Variants in ZC2HC1A observed in about 807,000 individuals in gnomAD.
The protein encoded by ZC2HC1A is zinc finger C2HC domain-containing protein 1A.
In ZC2HC1A, 28 loss-of-function variants were observed where a neutral mutation model predicts 40.7. The observed-to-expected ratio is 0.69, with a 90% CI of 0.51 to 0.94. ZC2HC1A has a LOEUF of 0.94. Ranked by LOEUF, ZC2HC1A falls within the 40% of genes least tolerant of loss-of-function variation. ZC2HC1A has a pLI of 0.00. For synonymous variants in ZC2HC1A, 129 were observed against 129.2 expected, an observed-to-expected ratio of 1.00 and a Z score of 0.01; for missense variants, 389 against 386.3, an observed-to-expected ratio of 1.01 and a Z score of -0.06.
chr8:78,693,694 C>G (rs1400248447), intron 5 of ZC2HC1A, among the ~76,000 whole-genome samples: 2 of 152,138 alleles, frequency 1.3e-5, no homozygotes, highest in Non-Finnish European at 2.9e-5. Flanking sequence ...CCTGTTCGCT[C>G]TGATGGTAGT....
chr8:78,703,636 ATTT>A lies in ZC2HC1A; in HGVS notation c.704+5126_704+5128del, dbSNP rs1195689428. On this transcript the variant is annotated intron_variant, in intron 7 of 8. Coordinates refer to ENST00000263849, the MANE Select transcript of ZC2HC1A (RefSeq NM_016010.3). Reference sequence around the variant, plus strand: ...TTTCTGTTTTCCATTTGCTTGGTAAATTTTTCTCCATCCCTTTATTTTGATCCC... The same window carrying A: ...TTTCTGTTTTCCATTTGCTTGGTAAATTCTCCATCCCTTTATTTTGATCCC... 2.7e-5 allele frequency among the ~76,000 whole-genome samples: 4 copies of A among 149,318 alleles called. No homozygotes were observed. In the Admixed American group the frequency reaches 2.7e-4, roughly 10 times the overall value.
intron 7 of ZC2HC1A, among the ~76,000 whole-genome samples, chr8:78,699,914 G>C (rs996267514): frequency 6.6e-6 from 1 of 152,006 alleles, no homozygotes; most frequent in African/African-American, 2.4e-5. Context: ...ATTATGAATA[G>C]TGCTGCAGTG....
At chr8:78,689,927 ATGCTTTTAGCTCTTACATCTGTAAATC>A (rs1383272223) in intron 5 of ZC2HC1A, among the ~76,000 whole-genome samples, 7 of 152,102 alleles carry the variant, frequency 4.6e-5, no homozygotes, top group African/African-American at 1.7e-4. Flanking sequence ...TATAAGTTTT[ATGCTTTTAGCTCTTACATCTGTAAATC>A]ACTTCAGGCT....
chr8:78,673,428 C>A (rs1240076181), intron 1 of ZC2HC1A, among the ~76,000 whole-genome samples: 1 of 152,120 alleles, frequency 6.6e-6, no homozygotes, highest in Non-Finnish European at 1.5e-5. Flanking sequence ...TGGGTACATA[C>A]CCGGTAATGG....
intron 3 of ZC2HC1A, chr8:78,679,382 A>G (rs1378451799): frequency 6.6e-6 from 1 of 152,190 alleles, no homozygotes; most frequent in Non-Finnish European, 1.5e-5. Flanking sequence ...ATTTGCATAT[A>G]ACTTATGCAC....
intron 7 of ZC2HC1A, chr8:78,712,083 A>ATAACT (rs1359167761): frequency 7.8e-7 from 1 of 1,289,194 alleles, no homozygotes; most frequent in African/African-American, 1.5e-5. Flanking sequence ...CCATCAAAAG[A>ATAACT]CATGAGTTAT....
chr8:78,667,916 G>A lies in ZC2HC1A; in HGVS notation c.16+1752G>A, dbSNP rs376194200. Among the ~76,000 whole-genome samples the A allele has an allele frequency of 2.6e-5, 4 of 151,768 alleles. No homozygotes were observed. In the East Asian group the frequency reaches 5.8e-4, roughly 22 times the overall value. ...ATGGGTCCAGCTTATGATGTTATAG[G>A]GCCCAGCTTATGATGTTAATAGTGC... On this transcript the variant is annotated intron_variant, in intron 1 of 8. Coordinates refer to ENST00000263849, the MANE Select transcript of ZC2HC1A (RefSeq NM_016010.3).
chr8:78,684,484 A>C (rs1809894214), intron 3 of ZC2HC1A, among the ~76,000 whole-genome samples: 1 of 152,182 alleles, frequency 6.6e-6, no homozygotes, highest in Non-Finnish European at 1.5e-5. Context: ...TACCCCCATA[A>C]CAGGTGGAGT....
At chr8:78,699,462 C>CT (rs1299249274) in intron 7 of ZC2HC1A, among the ~76,000 whole-genome samples, 1 of 151,932 alleles carries the variant, frequency 6.6e-6, no homozygotes, top group African/African-American at 2.4e-5. Context: ...ACATTATTTT[C>CT]TTTTTTTAAT....
At chr8:78,687,907 AT>A (rs2130495704) in intron 4 of ZC2HC1A, among the ~76,000 whole-genome samples, 1 of 55,782 alleles carries the variant, frequency 1.8e-5, no homozygotes, top group African/African-American at 4.3e-5. Context: ...ATATATATTT[AT>A]ATAAATATAT....
chr8:78,686,558 T>C lies in ZC2HC1A; in HGVS notation c.302T>C (p.Leu101Pro). The C allele has an allele frequency of 2.0e-6, 3 of 1,538,294 alleles. No homozygotes were observed. The highest frequency in any genetic ancestry group is 2.6e-6 in the Non-Finnish European group (3 of 1,141,592). Residue 101 changes from leucine to proline, a missense_variant, in exon 4 of 9, where the codon CTC (leucine) becomes CCC (proline). Coordinates refer to ENST00000263849, the MANE Select transcript of ZC2HC1A (RefSeq NM_016010.3). ...GCAGCTAAAGGCCTTGATCAGGCCC[T>C]CAAAGAGGGTGGCAAACTTCCTCCT... ...IRAAKGLDQA[L>P]KEGGKLPPPP...
At chr8:78,717,146 TA>T (rs370508243) in intron 8 of ZC2HC1A, among the ~76,000 whole-genome samples, 181 bp from the exon 9 acceptor site, 212 of 151,442 alleles carry the variant, frequency 1.4e-3, no homozygotes, top group East Asian at 2.5e-3. Flanking sequence ...AATATAATGT[TA>T]AAAAAAAATG....
chr8:78,667,828 C>T (rs1243487059), intron 1 of ZC2HC1A, among the ~76,000 whole-genome samples: 1 of 152,000 alleles, frequency 6.6e-6, no homozygotes, highest in African/African-American at 2.4e-5. Flanking sequence ...TAATGGAAAC[C>T]TATTATGACA....
chr8:78,692,849 T>TTA (rs1810255215), intron 5 of ZC2HC1A, among the ~76,000 whole-genome samples: 2 of 152,124 alleles, frequency 1.3e-5, no homozygotes, highest in African/African-American at 2.4e-5. Flanking sequence ...GTCATTTACA[T>TTA]GGAGTATATC....
At position 78,679,550 on chromosome 8, in the gene ZC2HC1A, C is replaced by CA. The variant is rs553907946; in HGVS notation, c.210+872dup. ...TCATGGTTGACTGAATCCATGGATG[C>CA]ACAAGCCATGAATATGGAACCCATG... On this transcript the variant is annotated intron_variant, in intron 3 of 8. Coordinates refer to ENST00000263849, the MANE Select transcript of ZC2HC1A (RefSeq NM_016010.3). Among the ~76,000 whole-genome samples the CA allele has an allele frequency of 2.7e-3, 406 of 152,146 alleles. 3 individuals carry two copies. The highest frequency in any genetic ancestry group is 9.1e-3 in the African/African-American group (379 of 41,514).
At chr8:78,701,196 T>C (rs764864381) in intron 7 of ZC2HC1A, among the ~76,000 whole-genome samples, 8 of 152,150 alleles carry the variant, frequency 5.3e-5, no homozygotes, top group Non-Finnish European at 1.0e-4. Flanking sequence ...CCTCCTTGTA[T>C]AGATCTTTCA....
intron 1 of ZC2HC1A, among the ~76,000 whole-genome samples, chr8:78,666,430 A>T (rs1348090291): frequency 2.6e-5 from 4 of 152,226 alleles, no homozygotes; most frequent in Admixed American, 2.6e-4. Context: ...AGACGCCTGC[A>T]CGTCTCTTCC....
At position 78,719,542 on chromosome 8, in the gene ZC2HC1A, ATTTTAT is replaced by A. The variant is rs1459276943; in HGVS notation, c.*2058_*2063del. ...AAAAAAATCTTCCTATGCATCATGT[ATTTTAT>A]TTTTATTTATTTTCACAAGTATTTG... On this transcript the variant is annotated 3_prime_UTR_variant, in exon 9 of 9. Transcript: ENST00000263849. The A allele has an allele frequency of 1.3e-5, 2 of 151,816 alleles. No homozygotes were observed. Among genetic ancestry groups the A allele is most frequent in the African/African-American group, 4.8e-5 (2 of 41,430 alleles). 9.4% of individuals were successfully genotyped at this position (151,816 alleles called of 1,614,324 possible). A position where few individuals can be genotyped will look rare whatever the true frequency, so the allele number is the denominator to read the frequency against.
chr8:78,680,710 A>T (rs1809748714), intron 3 of ZC2HC1A, among the ~76,000 whole-genome samples: 1 of 152,202 alleles, frequency 6.6e-6, no homozygotes, highest in Non-Finnish European at 1.5e-5. Context: ...AATCCAGGAG[A>T]AATTACCCGT....
Sources: gnomAD v4.1 joint callset for allele counts (sites outside exome capture counted in the v4.1 genomes callset) on GRCh38, gnomAD v4.1.1 for gene constraint, MANE v1.5 for transcripts, NCBI Gene and HGNC (gene_info 2026-07-23, HGNC 2026-07-21) for gene names.